CBLB: variants seen among roughly 807,000 people sequenced by gnomAD.
The protein encoded by CBLB is E3 ubiquitin-protein ligase CBL-B.
In CBLB, 31 loss-of-function variants were observed where a neutral mutation model predicts 104.9. The ratio of observed to expected loss-of-function variants is 0.30; its 90% CI spans 0.22 to 0.40. CBLB has a LOEUF of 0.40. Ranked by LOEUF, CBLB falls within the 10% of genes least tolerant of loss-of-function variation. CBLB has a pLI of 1.00. For missense variants in CBLB, 1,062 were observed against 1,214.6 expected (o/e 0.87, Z 1.87); for synonymous variants, 440 against 422.6 (o/e 1.04, Z -0.51).
chr3:105,698,384 T>G (rs547727962), intron 12 of CBLB, among the ~76,000 whole-genome samples: 2 of 152,032 alleles, frequency 1.3e-5, no homozygotes, highest in African/African-American at 4.8e-5. Flanking sequence ...GGAACTGACA[T>G]AATGACAGGA....
chr3:105,796,582 T>C (rs548740515), intron 3 of CBLB, among the ~76,000 whole-genome samples: 3 of 152,076 alleles, frequency 2.0e-5, no homozygotes, highest in African/African-American at 4.8e-5. Context: ...AAAATAAAAA[T>C]TGACAAATGG....
At chr3:105,789,211 C>T (rs1560248201) in intron 3 of CBLB, among the ~76,000 whole-genome samples, 1 of 152,094 alleles carries the variant, frequency 6.6e-6, no homozygotes, top group East Asian at 1.9e-4. Flanking sequence ...TTAGAGCTAC[C>T]AATCTACTAC....
chr3:105,713,529 T>C (rs1553737599), intron 10 of CBLB, among the ~76,000 whole-genome samples: 1 of 152,138 alleles, frequency 6.6e-6, no homozygotes, highest in Non-Finnish European at 1.5e-5. Flanking sequence ...CTCAAAACTT[T>C]TAGAGTTCAA....
intron 4 of CBLB, among the ~76,000 whole-genome samples, chr3:105,773,440 G>C (rs942973734): frequency 1.3e-5 from 2 of 152,168 alleles, no homozygotes; most frequent in Admixed American, 6.5e-5. Context: ...ATTAGGTACA[G>C]TGTGCACTGC....
At chr3:105,760,239 A>G (rs2077489344) in intron 4 of CBLB, among the ~76,000 whole-genome samples, 1 of 152,232 alleles carries the variant, frequency 6.6e-6, no homozygotes, top group Non-Finnish European at 1.5e-5. Context: ...CTTAGAAAAT[A>G]AAGTTCATTA....
intron 2 of CBLB, among the ~76,000 whole-genome samples, chr3:105,865,065 TA>T (rs975572660): frequency 3.9e-4 from 60 of 152,310 alleles, no homozygotes; most frequent in African/African-American, 1.4e-3. Context: ...CTATTGCAGT[TA>T]TTTTTTTAAA....
chr3:105,824,986 C>T (rs2086382366), intron 3 of CBLB, among the ~76,000 whole-genome samples: 1 of 152,144 alleles, frequency 6.6e-6, no homozygotes, highest in African/African-American at 2.4e-5. Context: ...AGGCATCTCT[C>T]CTTTTCTCTC....
chr3:105,661,118 T>C lies in CBLB; in HGVS notation c.2690-1889A>G, dbSNP rs562842094. 1.5e-3 allele frequency among the ~76,000 whole-genome samples: 223 copies of C among 152,246 alleles called. 1 individual carries two copies. The highest frequency in any genetic ancestry group is 3.9e-3 in the African/African-American group (161 of 41,580). On this transcript the variant is annotated intron_variant, in intron 18 of 18. Transcript: ENST00000394030. ...ACGTCCGGCCATGATGACAGTCTTA[T>C]TTTAAATTATTCCTTTTTTGTAACA...
intron 3 of CBLB, among the ~76,000 whole-genome samples, chr3:105,837,380 G>T (rs1289864581): frequency 6.6e-6 from 1 of 152,148 alleles, no homozygotes; most frequent in Non-Finnish European, 1.5e-5. Context: ...TGTATTCAGG[G>T]TCATAAGTAC....
intron 3 of CBLB, among the ~76,000 whole-genome samples, chr3:105,801,232 A>G (rs1283992647): frequency 6.6e-6 from 1 of 152,184 alleles, no homozygotes; most frequent in Non-Finnish European, 1.5e-5. Flanking sequence ...GCCATTATTA[A>G]CAGATAAATG....
At position 105,868,826 on chromosome 3, in the gene CBLB, G is replaced by C. The variant is rs10212262; in HGVS notation, c.-105C>G. The C allele has an allele frequency of 2.0e-6, 2 of 994,428 alleles. No homozygotes were observed. The highest frequency in any genetic ancestry group is 2.4e-6 in the Non-Finnish European group (2 of 836,222). The allele number at this position is 994,428 out of a possible 1,614,324, so 61.6% of individuals were successfully genotyped here. A position where few individuals can be genotyped will look rare whatever the true frequency, so the allele number is the denominator to read the frequency against. Reference sequence around the variant, plus strand: ...CAGTGTGTGTGGGGAGCCCCGGCTGGGAGTGGGATCGCTGAGAACAGCTCG... The same window carrying C: ...CAGTGTGTGTGGGGAGCCCCGGCTGCGAGTGGGATCGCTGAGAACAGCTCG... On this transcript the variant is annotated 5_prime_UTR_variant, in exon 1 of 19. Transcript: ENST00000394030.
At chr3:105,815,119 G>A (rs2084846520) in intron 3 of CBLB, among the ~76,000 whole-genome samples, 1 of 152,068 alleles carries the variant, frequency 6.6e-6, no homozygotes, top group Non-Finnish European at 1.5e-5. Flanking sequence ...ATCTATGAAA[G>A]CACTTCCCAG....
chr3:105,852,373 CT>C (rs1339665260), intron 3 of CBLB, among the ~76,000 whole-genome samples: 1 of 151,908 alleles, frequency 6.6e-6, no homozygotes, highest in East Asian at 1.9e-4. Context: ...GTGTTTGTGT[CT>C]TAGTTTTTAA....
Position 105,658,358 on chromosome 3 carries a change from T to C in CBLB, c.*612A>G, listed in dbSNP as rs2152656943. 4.5e-6 allele frequency: 1 copy of C among 223,838 alleles called. No individual in the cohort carries two copies. The highest frequency in any genetic ancestry group is 6.5e-5 in the East Asian group (1 of 15,328). The allele number at this position is 223,838 out of a possible 1,614,324, so 13.9% of individuals were successfully genotyped here. ...TTCCCATCTCTCAATAGTGATGGTT[T>C]CCAAAGAAGAAACTCAGTAGTGAAG... On this transcript the variant is annotated 3_prime_UTR_variant, in exon 19 of 19. Transcript: ENST00000394030.
At chr3:105,799,160 T>C (rs1343777872) in intron 3 of CBLB, among the ~76,000 whole-genome samples, 1 of 71,662 alleles carries the variant, frequency 1.4e-5, no homozygotes, top group Non-Finnish European at 2.8e-5. Flanking sequence ...AAACACATGG[T>C]AAATAATGAC....
At chr3:105,806,513 C>T (rs1356009749) in intron 3 of CBLB, among the ~76,000 whole-genome samples, 4 of 146,328 alleles carry the variant, frequency 2.7e-5, no homozygotes. Context: ...TGTGTGAGAT[C>T]CCTATCTGTT....
At position 105,751,597 on chromosome 3, in the gene CBLB, T is replaced by C. The variant is rs748996723; in HGVS notation, c.588A>G (p.Val196=). The C allele has an allele frequency of 2.4e-5, 38 of 1,613,624 alleles. No homozygotes were observed. The highest frequency in any genetic ancestry group is 3.2e-5 in the Non-Finnish European group (38 of 1,179,572). Residue 196 remains valine, a synonymous_variant, in exon 5 of 19, where the codon GTA becomes GTG. Coordinates refer to ENST00000394030, the MANE Select transcript of CBLB (RefSeq NM_170662.5). ...GGACCTCATGAAGGCACTGTCTGAA[T>C]ACTTTCCATGGTACGATAGTTCTGT... The part of the protein sequence containing the change: ...FGDKTIVPWK[V]FRQCLHEVHQ...
chr3:105,863,696 A>G lies in CBLB; in HGVS notation c.168+3714T>C, dbSNP rs890589603. Among the ~76,000 whole-genome samples the G allele has an allele frequency of 9.2e-5, 14 of 152,216 alleles. No individual in the cohort carries two copies. In the East Asian group the frequency reaches 2.7e-3, roughly 29 times the overall value. ...GTAAATTATATTTCAAGCTTGAAAA[A>G]TGTACTAAATAGACTGAGGGCAAAA... On this transcript the variant is annotated intron_variant, in intron 2 of 18. Transcript: ENST00000394030.
chr3:105,717,488 C>T (rs1408064786), intron 10 of CBLB, among the ~76,000 whole-genome samples: 1 of 152,124 alleles, frequency 6.6e-6, no homozygotes, highest in African/African-American at 2.4e-5. Context: ...TTTGTAGGTA[C>T]TTATATAGGA....
Sources: gnomAD v4.1 joint callset for allele counts (sites outside exome capture counted in the v4.1 genomes callset) on GRCh38, gnomAD v4.1.1 for gene constraint, MANE v1.5 for transcripts, NCBI Gene and HGNC (gene_info 2026-07-23, HGNC 2026-07-21) for gene names.